The following CSMD1 variants were observed in gnomAD, a reference collection of about 807,000 sequenced individuals.
CSMD1 encodes CUB and Sushi multiple domains 1, also known as CUB and sushi domain-containing protein 1.
A neutral mutation model predicts 417.5 loss-of-function variants in CSMD1; 213 were observed. The ratio of observed to expected loss-of-function variants is 0.51; its 90% CI spans 0.46 to 0.57. The LOEUF (loss-of-function observed/expected upper bound fraction) is 0.57. Among genes scored for constraint, CSMD1 ranks in the 20% least tolerant of loss-of-function variants. The pLI, the probability that CSMD1 is intolerant of heterozygous loss-of-function variation, is 0.00. For synonymous variants in CSMD1, 2,862 were observed against 1,736.8 expected, an observed-to-expected ratio of 1.65 and a Z score of -16.11; for missense variants, 6,923 against 4,529.7, an observed-to-expected ratio of 1.53 and a Z score of -15.17.
At chr8:4,043,510 G>C (rs989404274) in intron 3 of CSMD1, among the ~76,000 whole-genome samples, 1 of 152,142 alleles carries the variant, frequency 6.6e-6, no homozygotes, top group Admixed American at 6.5e-5. Context: ...AATACAAACA[G>C]ACAAATAGAT....
rs563270691 is a variant in CSMD1, at chr8:2,966,497, A to C, written c.9100+73T>G. 2.5e-4 allele frequency: 345 copies of C among 1,397,856 alleles called. 1 individual carries two copies. Among genetic ancestry groups the C allele is most frequent in the African/African-American group, 2.4e-3 (165 of 69,812 alleles). The allele number at this position is 1,397,856 out of a possible 1,614,324, so 86.6% of individuals were successfully genotyped here. A position where few individuals can be genotyped will look rare whatever the true frequency, so the allele number is the denominator to read the frequency against. On this transcript the variant is annotated intron_variant, in intron 58 of 69. Transcript: ENST00000635120. ...AAATAAAAAAACAGTATAACACCTTAAAGTCATTTTTTTTCCCAATGGAGT... is the reference window on the plus strand; with the variant it reads ...AAATAAAAAAACAGTATAACACCTTCAAGTCATTTTTTTTCCCAATGGAGT...
rs60109440 is a variant in CSMD1, at chr8:3,165,710, G to A, written c.5726-3433C>T. 9.2e-3 allele frequency among the ~76,000 whole-genome samples: 1,407 copies of A among 152,246 alleles called. 26 individuals are homozygous for A. Among genetic ancestry groups the A allele is most frequent in the African/African-American group, 0.031 (1,292 of 41,534 alleles). On this transcript the variant is annotated intron_variant, in intron 37 of 69. Coordinates refer to ENST00000635120, the MANE Select transcript of CSMD1 (RefSeq NM_033225.6). ...GCCTCCCCAAAGTGCTGGGAGAACG[G>A]TGGTTTTTTGTTGGTAAAGGTGTGT...
At chr8:3,105,712 T>G (rs923749014) in intron 46 of CSMD1, among the ~76,000 whole-genome samples, 1 of 152,216 alleles carries the variant, frequency 6.6e-6, no homozygotes, top group South Asian at 2.1e-4. Context: ...ATCAAAATAT[T>G]AAACACCAGC....
intron 2 of CSMD1, among the ~76,000 whole-genome samples, chr8:4,574,913 T>C (rs1799067454): frequency 6.6e-6 from 1 of 152,348 alleles, no homozygotes; most frequent in South Asian, 2.1e-4. Flanking sequence ...TACACACATA[T>C]AATTTTGTTT....
chr8:4,963,734 A>G (rs985935428), intron 1 of CSMD1, among the ~76,000 whole-genome samples: 6 of 152,102 alleles, frequency 3.9e-5, no homozygotes, highest in Non-Finnish European at 8.8e-5. Flanking sequence ...TTAACACTCA[A>G]CTCAAGTTTT....
Position 4,699,510 on chromosome 8 carries a change from G to A in CSMD1, c.86-61952C>T, listed in dbSNP as rs113826763. Among the ~76,000 whole-genome samples, 868 of 152,202 alleles carry A rather than the reference G, an allele frequency of 5.7e-3. 13 individuals carry two copies. The highest frequency in any genetic ancestry group is 0.02 in the African/African-American group (830 of 41,538). ...AATGAGAAAGTCAAAGCTGTACATCGAACACTCAGCTTATGTTCTTTTCTG... is the reference window on the plus strand; with the variant it reads ...AATGAGAAAGTCAAAGCTGTACATCAAACACTCAGCTTATGTTCTTTTCTG... On this transcript the variant is annotated intron_variant, in intron 1 of 69. Coordinates refer to ENST00000635120, the MANE Select transcript of CSMD1 (RefSeq NM_033225.6).
chr8:3,077,202 C>A (rs904305889), intron 49 of CSMD1, among the ~76,000 whole-genome samples: 2 of 152,086 alleles, frequency 1.3e-5, no homozygotes, highest in Admixed American at 1.3e-4. Context: ...TTAAACTTTG[C>A]AAGGTGAGAA....
chr8:3,124,695 G>C (rs1817397801), intron 41 of CSMD1, among the ~76,000 whole-genome samples: 1 of 152,136 alleles, frequency 6.6e-6, no homozygotes, highest in Non-Finnish European at 1.5e-5. Context: ...AGACGAAGTA[G>C]TCGTCAAATT....
At chr8:3,699,940 T>C (rs1305558591) in intron 7 of CSMD1, among the ~76,000 whole-genome samples, 2 of 151,446 alleles carry the variant, frequency 1.3e-5, no homozygotes, top group African/African-American at 2.4e-5. Context: ...CATAACTACA[T>C]CCCTGGGTTA....
At chr8:3,687,376 G>A (rs902061869) in intron 7 of CSMD1, among the ~76,000 whole-genome samples, 2 of 152,194 alleles carry the variant, frequency 1.3e-5, no homozygotes, top group African/African-American at 2.4e-5. Context: ...AATCCATGGT[G>A]AGCAGGGATA....
intron 3 of CSMD1, among the ~76,000 whole-genome samples, chr8:4,361,751 C>G (rs555787620): frequency 1.3e-5 from 2 of 151,678 alleles, no homozygotes; most frequent in Admixed American, 1.3e-4. Flanking sequence ...GTCAGGAGAT[C>G]GAGACCATCC....
At chr8:4,397,633 TG>T (rs1383897699) in intron 3 of CSMD1, among the ~76,000 whole-genome samples, 1 of 148,130 alleles carries the variant, frequency 6.8e-6, no homozygotes, top group Non-Finnish European at 1.5e-5. Context: ...ACAGACAATA[TG>T]CATCACTTGT....
intron 1 of CSMD1, among the ~76,000 whole-genome samples, chr8:4,806,451 G>A (rs28410135): frequency 1.3e-5 from 2 of 152,102 alleles, no homozygotes; most frequent in Non-Finnish European, 2.9e-5. Flanking sequence ...TCAACACCCT[G>A]CCTGCTTCCC....
intron 1 of CSMD1, among the ~76,000 whole-genome samples, chr8:4,850,247 C>T (rs1168618689): frequency 6.6e-6 from 1 of 152,124 alleles, no homozygotes; most frequent in Non-Finnish European, 1.5e-5. Context: ...AGAGTACTTT[C>T]TATGTTCTAG....
At chr8:3,483,725 T>A (rs1341688880) in intron 11 of CSMD1, among the ~76,000 whole-genome samples, 1 of 152,128 alleles carries the variant, frequency 6.6e-6, no homozygotes, top group African/African-American at 2.4e-5. Context: ...ATGAATGTAG[T>A]TGCAAATATC....
At chr8:4,681,507 T>C (rs1806049934) in intron 1 of CSMD1, among the ~76,000 whole-genome samples, 1 of 152,212 alleles carries the variant, frequency 6.6e-6, no homozygotes, top group African/African-American at 2.4e-5. Context: ...AATACGTTGT[T>C]AGGTAAGCCA....
chr8:4,117,743 T>C (rs1802239960), intron 3 of CSMD1, among the ~76,000 whole-genome samples: 1 of 152,110 alleles, frequency 6.6e-6, no homozygotes, highest in Non-Finnish European at 1.5e-5. Context: ...TAAGTTTAGA[T>C]GTCAAATAGA....
chr8:3,466,652 C>G (rs1356720023), intron 12 of CSMD1, among the ~76,000 whole-genome samples: 1 of 145,818 alleles, frequency 6.9e-6, no homozygotes, highest in Non-Finnish European at 1.5e-5. Context: ...TGGTCTGGAA[C>G]TCCTGACCTT....
chr8:3,330,368 G>A (rs1261690437), intron 23 of CSMD1, among the ~76,000 whole-genome samples: 1 of 152,108 alleles, frequency 6.6e-6, no homozygotes, highest in African/African-American at 2.4e-5. Context: ...GCGAGAGACT[G>A]GATAAAGAAA....
Sources: allele counts gnomAD v4.1 joint callset (sites outside exome capture counted in the v4.1 genomes callset), GRCh38; gene constraint gnomAD v4.1.1; transcripts MANE v1.5; gene names NCBI Gene and HGNC (gene_info 2026-07-23, HGNC 2026-07-21).